DNAJC16: variants seen among roughly 807,000 people sequenced by gnomAD.
DNAJC16 encodes DnaJ heat shock protein family (Hsp40) member C16.
In DNAJC16, 76 loss-of-function variants were observed where a neutral mutation model predicts 92.7. The ratio of observed to expected loss-of-function variants is 0.82; its 90% CI spans 0.68 to 0.99. The LOEUF (loss-of-function observed/expected upper bound fraction) is 0.99. Ranked by LOEUF, DNAJC16 falls within the 50% of genes least tolerant of loss-of-function variation. The pLI, the probability that DNAJC16 is intolerant of heterozygous loss-of-function variation, is 0.00. For synonymous variants in DNAJC16, 328 were observed against 358.7 expected (o/e 0.91, Z 0.97); for missense variants, 869 against 942.4 (o/e 0.92, Z 1.02).
In DNAJC16 at chr1:15,548,441, C is replaced by T. The variant is rs749898734; in HGVS notation, c.1023+13C>T. 1.3e-6 allele frequency: 2 copies of T among 1,598,884 alleles called. No homozygotes were observed. The highest frequency in any genetic ancestry group is 1.7e-6 in the Non-Finnish European group (2 of 1,171,170). ...CGATGTTATCCAGGTACGTGAGGGTCACCTTGGTTAAGATTTTCTTCACAT... is the reference window on the plus strand; with the variant it reads ...CGATGTTATCCAGGTACGTGAGGGTTACCTTGGTTAAGATTTTCTTCACAT... On this transcript the variant is annotated intron_variant, in intron 7 of 14. Coordinates refer to ENST00000375847, the MANE Select transcript of DNAJC16 (RefSeq NM_015291.4).
intron 2 of DNAJC16, among the ~76,000 whole-genome samples, chr1:15,534,005 T>A (rs1263376126): frequency 6.6e-6 from 1 of 152,202 alleles, no homozygotes; most frequent in Non-Finnish European, 1.5e-5. Context: ...TATTATATGG[T>A]GCTTTGAAAA....
intron 1 of DNAJC16, among the ~76,000 whole-genome samples, chr1:15,528,849 G>A (rs7546951): frequency 0.59 from 88,782 of 151,554 alleles, 26,621 homozygotes; most frequent in African/African-American, 0.7. Context: ...TAGTCAAAGT[G>A]TTCTGGAGAG....
At chr1:15,539,020 A>T (rs1710862626) in intron 4 of DNAJC16, among the ~76,000 whole-genome samples, 1 of 152,056 alleles carries the variant, frequency 6.6e-6, no homozygotes, top group African/African-American at 2.4e-5. Flanking sequence ...GGGGGGAAAA[A>T]ACTTCCCTAA....
Position 15,541,141 on chromosome 1 carries a change from AAAG to A in DNAJC16, c.575-3254_575-3252del, listed in dbSNP as rs770513507. On this transcript the variant is annotated intron_variant, in intron 4 of 14. Coordinates refer to ENST00000375847, the MANE Select transcript of DNAJC16 (RefSeq NM_015291.4). ...ATGTATATAAAGCTCTAGGTGTGCT[AAAG>A]AAGGCACTCAAGAAGTGATAATCCC... 3.9e-5 allele frequency among the ~76,000 whole-genome samples: 6 copies of A among 152,322 alleles called. No homozygotes were observed. The East Asian group carries it at 1.2e-3, about 29-fold the overall frequency.
chr1:15,563,777 G>T, intron 9 of DNAJC16, 152 bp from the exon 10 acceptor site: 2 of 666,150 alleles, frequency 3.0e-6, no homozygotes, highest in East Asian at 3.0e-5. Context: ...GTGAACCCGG[G>T]AGGCGGAGCT....
Position 15,558,171 on chromosome 1 carries a change from CTT to C in DNAJC16, c.1024-1332_1024-1331del, listed in dbSNP as rs1184997158. Among the ~76,000 whole-genome samples the C allele has an allele frequency of 1.9e-3, 229 of 117,766 alleles. 1 individual carries two copies. The highest frequency in any genetic ancestry group is 7.3e-3 in the African/African-American group (211 of 29,038). The allele number at this position is 117,766 out of a possible 152,430, so 77.3% of individuals were successfully genotyped here. A position where few individuals can be genotyped will look rare whatever the true frequency, so the allele number is the denominator to read the frequency against. On this transcript the variant is annotated intron_variant, in intron 7 of 14. Transcript: ENST00000375847. ...CAGGCATGAGCCACCATACCCAGCC[CTT>C]TTTTTTTTTTTTTTTTTTTTTTCTT...
chr1:15,549,298 T>C (rs899313316), intron 7 of DNAJC16, among the ~76,000 whole-genome samples: 4 of 152,068 alleles, frequency 2.6e-5, no homozygotes, highest in Non-Finnish European at 5.9e-5. Context: ...CTTTCTACAG[T>C]TGGGTATAGG....
chr1:15,562,940 C>G (rs539446139), intron 9 of DNAJC16, among the ~76,000 whole-genome samples: 7 of 149,394 alleles, frequency 4.7e-5, no homozygotes, highest in Non-Finnish European at 8.9e-5. Flanking sequence ...TTGCAGCATC[C>G]TAGATCCTAG....
intron 4 of DNAJC16, among the ~76,000 whole-genome samples, chr1:15,538,392 C>T (rs1710844335): frequency 6.6e-6 from 1 of 150,504 alleles, no homozygotes; most frequent in Non-Finnish European, 1.5e-5. Flanking sequence ...GAGACTCTGT[C>T]TCAAGAAAAA....
chr1:15,532,704 T>G (rs920265920), intron 2 of DNAJC16, among the ~76,000 whole-genome samples: 5 of 73,780 alleles, frequency 6.8e-5, no homozygotes, highest in Admixed American at 1.3e-4. Context: ...GGTATTTTTG[T>G]GTTTTTTTTT....
chr1:15,536,133 G>A (rs1160819393), intron 3 of DNAJC16, among the ~76,000 whole-genome samples: 1 of 145,322 alleles, frequency 6.9e-6, no homozygotes, highest in African/African-American at 2.6e-5. Context: ...GAGTGCAGTG[G>A]CACCATCTCG....
chr1:15,534,402 A>T (rs1710733579), intron 3 of DNAJC16, 99 bp downstream of exon 3: 1 of 1,181,436 alleles, frequency 8.5e-7, no homozygotes, highest in Admixed American at 2.0e-5. Flanking sequence ...CATGTTCCCC[A>T]TGCCCTTGAT....
intron 4 of DNAJC16, among the ~76,000 whole-genome samples, chr1:15,539,017 A>C (rs182721464): frequency 2.0e-5 from 3 of 152,052 alleles, no homozygotes; most frequent in Non-Finnish European, 2.9e-5. Context: ...TGAGGGGGGA[A>C]AAAACTTCCC....
In DNAJC16 at chr1:15,536,704, C is replaced by T. The variant is rs1557571578; in HGVS notation, c.464C>T (p.Pro155Leu). 1.9e-6 allele frequency: 3 copies of T among 1,613,994 alleles called. No homozygotes were observed. The South Asian group carries it at 3.3e-5, about 18-fold the overall frequency. ...HFSHYVNEVVPDSFKKPYLIK... is the reference protein window; with the variant it reads ...HFSHYVNEVVLDSFKKPYLIK... ...TCACATTATGTGAATGAAGTGGTTC[C>T]AGATAGCTTCAAGAAACCCTACCTC... The change falls in exon 4 of 15, where the codon CCA becomes CTA. Residue 155 changes from proline to leucine, a missense_variant. Pro to Leu is a moderately conservative substitution (Grantham distance 98). Coordinates refer to ENST00000375847, the MANE Select transcript of DNAJC16 (RefSeq NM_015291.4).
Position 15,536,589 on chromosome 1 carries a change from G to A in DNAJC16, c.349G>A (p.Glu117Lys). 6.2e-7 allele frequency: 1 copy of A among 1,614,160 alleles called. No homozygotes were observed. Among genetic ancestry groups the A allele is most frequent in the Non-Finnish European group, 8.5e-7 (1 of 1,180,018 alleles). Reference sequence around the variant, plus strand: ...AGAGTATCGCTTCCGCCATTTCCATGAAAATTTTTATTTTGATGAATCCTT... The same window carrying A: ...AGAGTATCGCTTCCGCCATTTCCATAAAAATTTTTATTTTGATGAATCCTT... ...QREYRFRHFH[E>K]NFYFDESFFH... Residue 117 changes from glutamate (E) to lysine (K), a missense_variant, in exon 4 of 15, where the codon GAA (glutamate) becomes AAA (lysine). Transcript: ENST00000375847.
In DNAJC16 at chr1:15,568,904, C is replaced by G. The variant is rs941811094; in HGVS notation, c.*727C>G. ...GTGAGCATCCCATCCGCCGCCCCAG[C>G]GCTGCTGGTAGCCAGGGGAGGGGTC... is the stretch of plus-strand genomic sequence containing the variant. On this transcript the variant is annotated 3_prime_UTR_variant, in exon 15 of 15. Transcript: ENST00000375847. The G allele has an allele frequency of 5.1e-6, 2 of 391,212 alleles. No homozygotes were observed. The highest frequency in any genetic ancestry group is 4.1e-5 in the African/African-American group (2 of 48,510). 24.2% of individuals were successfully genotyped at this position (391,212 alleles called of 1,614,324 possible).
chr1:15,542,197 A>G (rs7516435), intron 4 of DNAJC16: 40,307 of 151,484 alleles, frequency 0.27, 6,259 homozygotes, highest in East Asian at 0.58. Context: ...GGCTCAGTCT[A>G]CACCACCTCC....
intron 2 of DNAJC16, 134 bp downstream of exon 2, chr1:15,529,406 CA>C: frequency 8.0e-6 from 7 of 874,154 alleles, no homozygotes; most frequent in Non-Finnish European, 1.1e-5. Context: ...ATATTTTACG[CA>C]GGAGAGCTAA....
At chr1:15,558,517 A>G (rs1170020143) in intron 7 of DNAJC16, among the ~76,000 whole-genome samples, 12 of 151,854 alleles carry the variant, frequency 7.9e-5, no homozygotes, top group Non-Finnish European at 1.8e-4. Context: ...TTTTTTGTAG[A>G]GATGGGATCT....
Sources: gnomAD v4.1 joint callset for allele counts (sites outside exome capture counted in the v4.1 genomes callset) on GRCh38, gnomAD v4.1.1 for gene constraint, MANE v1.5 for transcripts, NCBI Gene and HGNC (gene_info 2026-07-23, HGNC 2026-07-21) for gene names.